Variants in GRIA1 observed in about 807,000 individuals in gnomAD.
GRIA1 encodes the protein glutamate receptor 1.
In GRIA1, 31 loss-of-function variants were observed where a neutral mutation model predicts 99.2. The observed-to-expected ratio is 0.31, with a 90% confidence interval of 0.23 to 0.42. GRIA1 has a LOEUF of 0.42. GRIA1 is among the 10% of genes least tolerant of loss of function. The probability of loss-of-function intolerance (pLI) is 1.00; values close to 1 mark genes in which losing one functional copy is unlikely to be tolerated. For synonymous variants in GRIA1, 438 were observed against 432.4 expected, an observed-to-expected ratio of 1.01 and a Z score of -0.16; for missense variants, 782 against 1,157.5, an observed-to-expected ratio of 0.68 and a Z score of 4.71.
At chr5:153,673,605 C>A (rs1756357416) in intron 5 of GRIA1, among the ~76,000 whole-genome samples, 1 of 152,190 alleles carries the variant, frequency 6.6e-6, no homozygotes, top group South Asian at 2.1e-4. Context: ...CTCTCTGTTA[C>A]TAACTCCCTA....
intron 6 of GRIA1, among the ~76,000 whole-genome samples, chr5:153,676,551 G>A (rs550006482): frequency 1.6e-4 from 25 of 152,204 alleles, no homozygotes; most frequent in Non-Finnish European, 2.5e-4. Context: ...AGAGTTAATC[G>A]TTCCTCTTGG....
intron 2 of GRIA1, among the ~76,000 whole-genome samples, chr5:153,620,565 C>A (rs1402732956): frequency 6.6e-6 from 1 of 152,136 alleles, no homozygotes; most frequent in Non-Finnish European, 1.5e-5. Flanking sequence ...AGGAAATAGA[C>A]CTGGATCCAG....
At chr5:153,776,124 C>T (rs979717004) in intron 13 of GRIA1, among the ~76,000 whole-genome samples, 21 of 152,038 alleles carry the variant, frequency 1.4e-4, no homozygotes, top group African/African-American at 4.1e-4. Context: ...GTTTGCGATA[C>T]GCATCAGAGA....
intron 2 of GRIA1, among the ~76,000 whole-genome samples, chr5:153,646,522 A>G (rs1388932821): frequency 1.3e-5 from 2 of 152,234 alleles, no homozygotes; most frequent in Admixed American, 1.3e-4. Context: ...CCTTTAAAAA[A>G]ATGACCCAGT....
chr5:153,744,214 C>T (rs1194595059), intron 11 of GRIA1, among the ~76,000 whole-genome samples: 1 of 152,094 alleles, frequency 6.6e-6, no homozygotes, highest in Non-Finnish European at 1.5e-5. Context: ...GATAATAATT[C>T]AGGCAAATTT....
chr5:153,721,952 G>A (rs550241399), intron 11 of GRIA1, among the ~76,000 whole-genome samples: 1 of 152,304 alleles, frequency 6.6e-6, no homozygotes, highest in South Asian at 2.1e-4. Flanking sequence ...GTAGCATACA[G>A]ATTTAGACTC....
At chr5:153,668,598 A>C (rs987508361) in intron 5 of GRIA1, among the ~76,000 whole-genome samples, 4 of 152,176 alleles carry the variant, frequency 2.6e-5, no homozygotes, top group African/African-American at 9.6e-5. Flanking sequence ...AGTTGTGACA[A>C]GAACTATATG....
Position 153,589,754 on chromosome 5 carries a change from G to A in GRIA1, c.221-57174G>A, listed in dbSNP as rs563664437. Among the ~76,000 whole-genome samples, 5 of 152,156 alleles carry A rather than the reference G, an allele frequency of 3.3e-5. No individual in the cohort carries two copies. In the East Asian group the frequency reaches 5.8e-4, roughly 18 times the overall value. On this transcript the variant is annotated intron_variant, in intron 2 of 15. Transcript: ENST00000285900. ...GCTACTGCAATTGTGATAAACTATC[G>A]AGAACAGAAAAAAGAAAATTTGATA...
chr5:153,763,587 A>T (rs72804611), intron 11 of GRIA1, among the ~76,000 whole-genome samples: 8 of 152,164 alleles, frequency 5.3e-5, no homozygotes, highest in Non-Finnish European at 1.0e-4. Flanking sequence ...ACCACATAAA[A>T]TCACCACAAG....
chr5:153,750,826 G>A (rs1238406629), intron 11 of GRIA1, among the ~76,000 whole-genome samples: 3 of 152,152 alleles, frequency 2.0e-5, no homozygotes, highest in African/African-American at 7.2e-5. Flanking sequence ...GGCCGGGCAT[G>A]GTGGCTTATG....
At chr5:153,676,264 G>A (rs1343002381) in intron 6 of GRIA1, among the ~76,000 whole-genome samples, 1 of 152,180 alleles carries the variant, frequency 6.6e-6, no homozygotes, top group Non-Finnish European at 1.5e-5. Context: ...GAGTGTGCTA[G>A]GCAACATAAT....
At chr5:153,590,346 G>C (rs1763855050) in intron 2 of GRIA1, among the ~76,000 whole-genome samples, 1 of 152,126 alleles carries the variant, frequency 6.6e-6, no homozygotes, top group Admixed American at 6.6e-5. Context: ...GAGAATGGCA[G>C]ATATGGAAAC....
At chr5:153,489,945 A>G, upstream of GRIA1, 1 of 424,962 alleles carries the variant, frequency 2.4e-6, no homozygotes, top group East Asian at 7.2e-5. Context: ...CCTAGGATTG[A>G]AAAGAGACCA....
At chr5:153,679,325 T>C (rs4077374) in intron 7 of GRIA1, among the ~76,000 whole-genome samples, 34,385 of 152,188 alleles carry the variant, frequency 0.23, 4,176 homozygotes, top group Non-Finnish European at 0.26. Context: ...CATTCTGACC[T>C]TAAGATCAGA....
intron 2 of GRIA1, among the ~76,000 whole-genome samples, chr5:153,518,899 C>G (rs1013306383): frequency 4.6e-5 from 7 of 152,136 alleles, no homozygotes; most frequent in African/African-American, 1.7e-4. Flanking sequence ...CTCTGAAGCA[C>G]TAGATCAGTG....
chr5:153,552,633 C>T (rs922075062), intron 2 of GRIA1, among the ~76,000 whole-genome samples: 1 of 151,894 alleles, frequency 6.6e-6, no homozygotes, highest in Non-Finnish European at 1.5e-5. Flanking sequence ...TTCCAGTATA[C>T]AGATCAGTTC....
chr5:153,508,370 T>C (rs1351557850), intron 2 of GRIA1, among the ~76,000 whole-genome samples: 1 of 152,278 alleles, frequency 6.6e-6, no homozygotes, highest in East Asian at 1.9e-4. Flanking sequence ...TTTTTATTAA[T>C]TGTAATTTAA....
At chr5:153,732,168 A>G (rs368355388) in intron 11 of GRIA1, among the ~76,000 whole-genome samples, 2 of 152,132 alleles carry the variant, frequency 1.3e-5, no homozygotes, top group Admixed American at 1.3e-4. Context: ...GCTATTGTGA[A>G]TAGTGCTACA....
At chr5:153,705,253 T>G (rs1487797433) in intron 10 of GRIA1, among the ~76,000 whole-genome samples, 1 of 152,214 alleles carries the variant, frequency 6.6e-6, no homozygotes, top group Non-Finnish European at 1.5e-5. Flanking sequence ...TGGATGATTC[T>G]GGCCAGGGTA....
Sources: gnomAD v4.1 joint callset for allele counts (sites outside exome capture counted in the v4.1 genomes callset) on GRCh38, gnomAD v4.1.1 for gene constraint, MANE v1.5 for transcripts, NCBI Gene and HGNC (gene_info 2026-07-23, HGNC 2026-07-21) for gene names.